Variants in DMD observed in about 807,000 individuals in gnomAD.
The protein encoded by DMD is mutant dystrophin.
Under a neutral mutation model 330.1 loss-of-function variants are expected in DMD, and 63 were observed. The observed-to-expected ratio is 0.19, with a 90% CI of 0.16 to 0.24. DMD has a LOEUF of 0.24. Ranked by LOEUF, DMD falls within the 10% of genes least tolerant of loss-of-function variation. The pLI is 1.00. For missense variants in DMD, 3,344 were observed against 2,684.1 expected (o/e 1.25, Z -5.43); for synonymous variants, 1,223 against 959.8 (o/e 1.27, Z -5.07).
chrX:32,812,688 C>T (rs2077458377), intron 6 of DMD, among the ~76,000 whole-genome samples: 1 of 112,352 alleles, frequency 8.9e-6, no homozygotes, highest in Non-Finnish European at 1.9e-5. Flanking sequence ...ATTGCTTCTA[C>T]TCTAGTTAAT....
At chrX:33,330,147 C>T (rs186095603) in intron 1 of DMD, among the ~76,000 whole-genome samples, 33 of 110,306 alleles carry the variant, frequency 3.0e-4, no homozygotes, top group South Asian at 1.1e-3. Context: ...AGACTTTTTT[C>T]GATAATTAAA....
intron 57 of DMD, among the ~76,000 whole-genome samples, chrX:31,494,131 T>C (rs892203619): frequency 4.4e-5 from 4 of 90,378 alleles, no homozygotes; most frequent in Non-Finnish European, 8.4e-5. Context: ...AACTCCAGCC[T>C]GGTGACAGAG....
At chrX:31,862,647 T>C (rs762475875) in intron 48 of DMD, among the ~76,000 whole-genome samples, 13 of 112,429 alleles carry the variant, frequency 1.2e-4, no homozygotes, top group African/African-American at 4.2e-4. Flanking sequence ...CGTAACACAA[T>C]GTAATAACCT....
intron 18 of DMD, among the ~76,000 whole-genome samples, chrX:32,503,021 A>C (rs2044219030): frequency 8.9e-6 from 1 of 112,205 alleles, no homozygotes; most frequent in Non-Finnish European, 1.9e-5. Context: ...ATTTATTTTA[A>C]ATAATTTAAA....
intron 55 of DMD, among the ~76,000 whole-genome samples, chrX:31,575,125 C>T (rs1203120480): frequency 9.0e-6 from 1 of 111,652 alleles, no homozygotes; most frequent in Non-Finnish European, 1.9e-5. Context: ...GTTTCAGTAT[C>T]TTCTTGATGA....
At chrX:31,651,323 A>G (rs2080439356) in intron 54 of DMD, among the ~76,000 whole-genome samples, 1 of 111,665 alleles carries the variant, frequency 9.0e-6, no homozygotes, top group Non-Finnish European at 1.9e-5. Context: ...AGAGTGTAAG[A>G]TGGAAGTTGA....
chrX:32,336,459 A>C (rs1005763229), intron 41 of DMD, among the ~76,000 whole-genome samples: 3 of 112,229 alleles, frequency 2.7e-5, no homozygotes, highest in Admixed American at 9.5e-5. Flanking sequence ...ACTCTGCTGT[A>C]GGACAAGCTA....
intron 2 of DMD, among the ~76,000 whole-genome samples, chrX:32,998,792 T>C (rs183653766): frequency 1.4e-3 from 158 of 111,962 alleles, no homozygotes; most frequent in African/African-American, 4.9e-3. Flanking sequence ...ATATAACATA[T>C]TCTCCAGTAG....
chrX:32,252,841 T>A (rs866117549), intron 43 of DMD, among the ~76,000 whole-genome samples: 6 of 56,526 alleles, frequency 1.1e-4, no homozygotes, highest in South Asian at 6.4e-4. Flanking sequence ...TAAATATATA[T>A]AAATATATAA....
intron 1 of DMD, among the ~76,000 whole-genome samples, chrX:33,140,521 C>T (rs1445147055): frequency 8.9e-6 from 1 of 112,332 alleles, no homozygotes; most frequent in Non-Finnish European, 1.9e-5. Context: ...CTACTATGAC[C>T]TTGAACAAAT....
chrX:31,141,237 A>AACAAC (rs770172375), intron 76 of DMD, among the ~76,000 whole-genome samples: 1,661 of 105,969 alleles, frequency 0.016, 20 homozygotes, highest in Middle Eastern at 0.051. Context: ...ACAACAACAA[A>AACAAC]ACCAGAATGA....
chrX:32,006,985 G>T (rs111571294), intron 44 of DMD, among the ~76,000 whole-genome samples: 2,523 of 98,876 alleles, frequency 0.026, 81 homozygotes, highest in African/African-American at 0.084. Flanking sequence ...ACCAAACACT[G>T]CATACTCTCA....
At chrX:32,819,452 T>G (rs1307892225) in intron 5 of DMD, among the ~76,000 whole-genome samples, 1 of 109,662 alleles carries the variant, frequency 9.1e-6, no homozygotes, top group African/African-American at 3.3e-5. Context: ...AGTTTAGCAC[T>G]CCGAAAAAAA....
At chrX:32,568,286 G>T (rs2051986885) in intron 15 of DMD, among the ~76,000 whole-genome samples, 1 of 111,446 alleles carries the variant, frequency 9.0e-6, no homozygotes, top group African/African-American at 3.3e-5. Context: ...GAGGCGGGCG[G>T]ATCACGAGGT....
intron 1 of DMD, among the ~76,000 whole-genome samples, chrX:33,134,022 C>A (rs1033379065): frequency 6.3e-5 from 7 of 111,600 alleles, no homozygotes; most frequent in African/African-American, 2.3e-4. Flanking sequence ...AATTTTTGCA[C>A]CTGATGACCA....
intron 43 of DMD, among the ~76,000 whole-genome samples, chrX:32,252,783 A>AATATATATAAAT (rs1335692792): frequency 2.3e-5 from 1 of 43,197 alleles, no homozygotes; most frequent in Non-Finnish European, 3.6e-5. Flanking sequence ...AATATATATA[A>AATATATATAAAT]ATATATATAA....
At chrX:32,502,216 A>G (rs901732627) in intron 18 of DMD, among the ~76,000 whole-genome samples, 1 of 111,782 alleles carries the variant, frequency 8.9e-6, no homozygotes, top group Non-Finnish European at 1.9e-5. Flanking sequence ...GAAATTACTA[A>G]TAAGTATATA....
intron 4 of DMD, among the ~76,000 whole-genome samples, chrX:32,832,169 G>C (rs990147159): frequency 9.0e-6 from 1 of 111,106 alleles, no homozygotes; most frequent in African/African-American, 3.3e-5. Context: ...AAGGGAGGGG[G>C]ATAAGGGTAA....
intron 44 of DMD, among the ~76,000 whole-genome samples, chrX:32,005,721 C>T (rs1269265150): frequency 9.0e-6 from 1 of 110,744 alleles, no homozygotes; most frequent in Admixed American, 9.7e-5. Context: ...TATCATTTTT[C>T]TAAACCAATA....
Sources: gnomAD v4.1 joint callset for allele counts (sites outside exome capture counted in the v4.1 genomes callset) on GRCh38, gnomAD v4.1.1 for gene constraint, MANE v1.5 for transcripts, NCBI Gene and HGNC (gene_info 2026-07-23, HGNC 2026-07-21) for gene names.